PODXL: variants seen among roughly 807,000 people sequenced by gnomAD.
PODXL encodes podocalyxin.
PODXL carries 20 observed loss-of-function variants against 48.9 expected under a neutral mutation model. That is an observed-to-expected ratio of 0.41 (90% CI 0.29 to 0.59). The LOEUF (loss-of-function observed/expected upper bound fraction) is 0.59. Among genes scored for constraint, PODXL ranks in the 20% least tolerant of loss-of-function variants. PODXL has a pLI of 0.31. For missense variants in PODXL, 606 were observed against 675.1 expected, an observed-to-expected ratio of 0.90 and a Z score of 1.13; for synonymous variants, 295 against 287.4, an observed-to-expected ratio of 1.03 and a Z score of -0.27.
intron 1 of PODXL, among the ~76,000 whole-genome samples, chr7:131,532,167 G>A (rs1306699770): frequency 5.3e-5 from 8 of 149,754 alleles, no homozygotes; most frequent in Non-Finnish European, 8.9e-5. Context: ...CGGGCGTGGT[G>A]GCTCAAGCCT....
chr7:131,546,899 G>A (rs554095621), intron 1 of PODXL, among the ~76,000 whole-genome samples: 3 of 152,214 alleles, frequency 2.0e-5, no homozygotes, highest in East Asian at 3.9e-4. Context: ...CTAAAACTGC[G>A]GTCTCCAACT....
At position 131,504,118 on chromosome 7, in the gene PODXL, T is replaced by C; in HGVS notation, c.*193A>G. 3 of 597,842 alleles carry C rather than the reference T, an allele frequency of 5.0e-6. No homozygotes were observed. Among genetic ancestry groups the C allele is most frequent in the Non-Finnish European group, 8.9e-6 (3 of 336,056 alleles). The allele number at this position is 597,842 out of a possible 1,614,324, so 37.0% of individuals were successfully genotyped here. Reference sequence around the variant, plus strand: ...GAGCTCAGGCACTAGTGGGTTATTTTACAAGAGGAATCTGGACAGAATGTG... The same window carrying C: ...GAGCTCAGGCACTAGTGGGTTATTTCACAAGAGGAATCTGGACAGAATGTG... On this transcript the variant is annotated 3_prime_UTR_variant, in exon 9 of 9. Transcript: ENST00000378555.
chr7:131,544,636 TCCGCACGCACGCC>T (rs1282668926), intron 1 of PODXL, among the ~76,000 whole-genome samples: 1 of 145,846 alleles, frequency 6.9e-6, no homozygotes, highest in Non-Finnish European at 1.5e-5. Context: ...CAGCAGGGCC[TCCGCACGCACGCC>T]CTGTACTACG....
chr7:131,510,207 A>T (rs1797884581), intron 3 of PODXL, 29 bp downstream of exon 3: 1 of 447,334 alleles, frequency 2.2e-6, no homozygotes, highest in Non-Finnish European at 4.5e-6. Context: ...GTAAGTAAAC[A>T]GGTATCGGCC....
Position 131,510,894 on chromosome 7 carries a change from T to G in PODXL, c.640A>C (p.Ser214Arg). Residue 214 changes from serine to arginine, a missense_variant, in exon 2 of 9, where the codon AGC becomes CGC. Ser to Arg is a moderately radical substitution (Grantham distance 110). Transcript: ENST00000378555. ...GGGATAGCCACAGTGCTTGAACTGCTTGAAATTTTCATAAGATGGTCATGT... is the reference window on the plus strand; with the variant it reads ...GGGATAGCCACAGTGCTTGAACTGCGTGAAATTTTCATAAGATGGTCATGT... The part of the protein sequence containing the change: ...SGHDHLMKIS[S>R]SSSTVAIPGY... 6.2e-7 allele frequency: 1 copy of G among 1,614,166 alleles called. No individual in the cohort carries two copies. Among genetic ancestry groups the G allele is most frequent in the Non-Finnish European group, 8.5e-7 (1 of 1,180,038 alleles).
chr7:131,504,570 G>A (rs754739640), intron 8 of PODXL, 62 bp from the exon 9 acceptor site: 36 of 1,372,340 alleles, frequency 2.6e-5, no homozygotes, highest in Middle Eastern at 4.2e-4. Context: ...TTAATACAGC[G>A]CATGTACGTA....
chr7:131,536,720 G>A (rs552432201), intron 1 of PODXL, among the ~76,000 whole-genome samples: 40 of 152,270 alleles, frequency 2.6e-4, no homozygotes, highest in African/African-American at 9.6e-4. Context: ...CTTCAGTGCC[G>A]CTGCCCCATG....
chr7:131,500,857 G>C lies in PODXL; in HGVS notation c.*3454C>G, dbSNP rs1217405909. 6.6e-6 allele frequency: 1 copy of C among 152,166 alleles called. No homozygotes were observed. Among genetic ancestry groups the C allele is most frequent in the East Asian group, 1.9e-4 (1 of 5,194 alleles). The allele number at this position is 152,166 out of a possible 1,614,324, so 9.4% of individuals were successfully genotyped here. A position where few individuals can be genotyped will look rare whatever the true frequency, so the allele number is the denominator to read the frequency against. ...TCTTAATTTACCGATTATTCCTTCTGAGGCGCACAGTCTGTGGATCCAGGT... is the reference window on the plus strand; with the variant it reads ...TCTTAATTTACCGATTATTCCTTCTCAGGCGCACAGTCTGTGGATCCAGGT... On this transcript the variant is annotated 3_prime_UTR_variant, in exon 9 of 9. Coordinates refer to ENST00000378555, the MANE Select transcript of PODXL (RefSeq NM_001018111.3).
At chr7:131,534,702 G>T (rs1798341178) in intron 1 of PODXL, among the ~76,000 whole-genome samples, 1 of 152,198 alleles carries the variant, frequency 6.6e-6, no homozygotes, top group Non-Finnish European at 1.5e-5. Context: ...GAAGAGTCTG[G>T]TAAGTGAGAC....
chr7:131,510,792 T>C (rs772944988), intron 2 of PODXL, 36 bp downstream of exon 2: 2 of 1,613,522 alleles, frequency 1.2e-6, no homozygotes, highest in East Asian at 4.5e-5. Flanking sequence ...CCCTGAAAAG[T>C]TTCTTGGTGC....
chr7:131,532,605 A>C (rs2116837892), intron 1 of PODXL, among the ~76,000 whole-genome samples: 1 of 152,046 alleles, frequency 6.6e-6, no homozygotes, highest in African/African-American at 2.4e-5. Flanking sequence ...TTTCCCTCTA[A>C]ATGGTCCCCT....
rs917737342 is a variant in PODXL, at chr7:131,506,682, T to C, written c.1146A>G (p.Arg382=). 5.6e-6 allele frequency: 9 copies of C among 1,614,062 alleles called. No individual in the cohort carries two copies. The African/African-American group carries it at 1.2e-4, about 22-fold the overall frequency. ...CCGGGTTGAAGGTGGCTTTGACTGCTCGGCATATCAGTGAGATCAATTTCT... is the reference window on the plus strand; with the variant it reads ...CCGGGTTGAAGGTGGCTTTGACTGCCCGGCATATCAGTGAGATCAATTTCT... ...SDEKLISLIC[R]AVKATFNPAQ... Residue 382 remains arginine (R), a synonymous_variant, in exon 6 of 9, where the codon CGA becomes CGG. Transcript: ENST00000378555.
intron 5 of PODXL, among the ~76,000 whole-genome samples, chr7:131,507,430 T>C (rs530708681): frequency 9.9e-5 from 15 of 152,204 alleles, no homozygotes; most frequent in African/African-American, 3.6e-4. Context: ...AGGGGAGAAG[T>C]GTGGGCAGCA....
intron 1 of PODXL, among the ~76,000 whole-genome samples, chr7:131,534,386 G>T (rs1192950562): frequency 1.3e-5 from 2 of 152,224 alleles, no homozygotes; most frequent in Non-Finnish European, 2.9e-5. Context: ...GGGCTTTCCG[G>T]CTGTCAGCCT....
At chr7:131,506,870 G>C in intron 5 of PODXL, 144 bp from the exon 6 acceptor site, 1 of 801,192 alleles carries the variant, frequency 1.2e-6, no homozygotes, top group South Asian at 1.6e-5. Context: ...GGTGCTCCAC[G>C]CAGGCCTGCC....
At position 131,506,737 on chromosome 7, in the gene PODXL, G is replaced by A. The variant is rs1184330197; in HGVS notation, c.1102-11C>T. ...CGAAGCGCCCCCTGCCTATGGTGGG[G>A]AGAGCGCAGGTGACTCCGCGGGGAG... On this transcript the variant is annotated splice_polypyrimidine_tract_variant and intron_variant, in intron 5 of 8. Coordinates refer to ENST00000378555, the MANE Select transcript of PODXL (RefSeq NM_001018111.3). The A allele has an allele frequency of 6.2e-7, 1 of 1,614,066 alleles. No individual in the cohort carries two copies. Among genetic ancestry groups the A allele is most frequent in the Non-Finnish European group, 8.5e-7 (1 of 1,179,996 alleles).
At chr7:131,524,557 TCCAATGCAGCA>T (rs1378813900) in intron 1 of PODXL, among the ~76,000 whole-genome samples, 13 of 151,996 alleles carry the variant, frequency 8.6e-5, no homozygotes, top group African/African-American at 3.1e-4. Flanking sequence ...AAATTCAAGC[TCCAATGCAGCA>T]CCATTACATA....
chr7:131,538,655 C>T (rs189457685), intron 1 of PODXL, among the ~76,000 whole-genome samples: 84 of 152,226 alleles, frequency 5.5e-4, no homozygotes, highest in Middle Eastern at 6.8e-3. Flanking sequence ...AAGATTCCTG[C>T]GTCGCCACTC....
chr7:131,515,203 A>G (rs918222185), intron 1 of PODXL, among the ~76,000 whole-genome samples: 4 of 152,196 alleles, frequency 2.6e-5, no homozygotes, highest in South Asian at 2.1e-4. Flanking sequence ...CAACAAATTC[A>G]AATTCCTAAA....
Sources: gnomAD v4.1 joint callset for allele counts (sites outside exome capture counted in the v4.1 genomes callset) on GRCh38, gnomAD v4.1.1 for gene constraint, MANE v1.5 for transcripts, NCBI Gene and HGNC (gene_info 2026-07-23, HGNC 2026-07-21) for gene names.